SLC38A12: variants seen among roughly 807,000 people sequenced by gnomAD.
SLC38A12 encodes putative sodium-coupled neutral amino acid transporter 12.
At chr17:74,836,991 C>A in the SLC38A12 span, 3 of 1,182,124 alleles carry the variant, frequency 2.5e-6, no homozygotes, top group Non-Finnish European at 3.1e-6. The surrounding 1 kb of genome is among the most constrained non-coding windows in gnomAD (Gnocchi z 4.2). Flanking sequence ...ACACGCTTCA[C>A]CCCCAACCCT....
At chr17:74,782,222 C>A in the SLC38A12 span, among the ~76,000 whole-genome samples, 2 of 152,292 alleles carry the variant, frequency 1.3e-5, no homozygotes, top group Non-Finnish European at 2.9e-5. Context: ...CGTGCACCAT[C>A]ATGCCCGGCT....
At chr17:74,822,790 G>A in the SLC38A12 span, among the ~76,000 whole-genome samples, 1 of 152,204 alleles carries the variant, frequency 6.6e-6, no homozygotes, top group Admixed American at 6.5e-5. Context: ...AACCAGCGGG[G>A]TATTTTTCTT....
At chr17:74,787,665 G>C in the SLC38A12 span, among the ~76,000 whole-genome samples, 1 of 151,728 alleles carries the variant, frequency 6.6e-6, no homozygotes, top group African/African-American at 2.4e-5. Flanking sequence ...ATGAATGTTC[G>C]TCCCATGCTG....
chr17:74,791,099 G>A, the SLC38A12 span: 1 of 1,453,632 alleles, frequency 6.9e-7, no homozygotes, highest in Non-Finnish European at 9.6e-7. Context: ...CTGCAGGCCT[G>A]CACCCTTGTA....
chr17:74,784,965 T>TA, the SLC38A12 span, among the ~76,000 whole-genome samples: 4,539 of 102,242 alleles, frequency 0.044, 225 homozygotes, highest in African/African-American at 0.14. Flanking sequence ...AACTTTTTTT[T>TA]TAAAAACCCT....
At chr17:74,785,518 A>G in the SLC38A12 span, 1 of 1,614,080 alleles carries the variant, frequency 6.2e-7, no homozygotes, top group African/African-American at 1.3e-5. Context: ...CATCGTGGGC[A>G]CGGGCGCACT....
the SLC38A12 span, among the ~76,000 whole-genome samples, chr17:74,805,028 G>A: frequency 6.6e-6 from 1 of 152,264 alleles, no homozygotes; most frequent in East Asian, 1.9e-4. This position sits in a 1 kb window ranked among gnomAD's most constrained non-coding sequence, Gnocchi z 5.0. Flanking sequence ...CGCCAGGCCT[G>A]ATGCAGTATA....
the SLC38A12 span, chr17:74,835,970 C>T: frequency 1.8e-5 from 29 of 1,611,174 alleles, no homozygotes; most frequent in African/African-American, 4.0e-5. Flanking sequence ...GCATCGGGCA[C>T]GGACAAGGGG....
At chr17:74,818,821 A>G in the SLC38A12 span, among the ~76,000 whole-genome samples, 1 of 152,306 alleles carries the variant, frequency 6.6e-6, no homozygotes, top group East Asian at 1.9e-4. Flanking sequence ...CTTAACTGCA[A>G]TGAGCAGCTC....
chr17:74,778,910 C>T, the SLC38A12 span, among the ~76,000 whole-genome samples: 3 of 152,054 alleles, frequency 2.0e-5, no homozygotes, highest in African/African-American at 7.2e-5. Flanking sequence ...TCAGGTGATC[C>T]ACCCGCCTCA....
the SLC38A12 span, chr17:74,819,759 A>G: frequency 6.2e-7 from 1 of 1,613,860 alleles, no homozygotes; most frequent in Non-Finnish European, 8.5e-7. Context: ...GGCGATCTTC[A>G]CTCTCCTCCT....
At chr17:74,831,969 A>G in the SLC38A12 span, among the ~76,000 whole-genome samples, 1 of 152,138 alleles carries the variant, frequency 6.6e-6, no homozygotes, top group Non-Finnish European at 1.5e-5. Context: ...ATCAGACCTA[A>G]TGAGTTTTTG....
chr17:74,806,167 C>T, the SLC38A12 span, among the ~76,000 whole-genome samples: 8 of 152,136 alleles, frequency 5.3e-5, no homozygotes, highest in East Asian at 3.8e-4. Flanking sequence ...CTGTCACTTG[C>T]GACACAGCCC....
At chr17:74,789,412 C>T in the SLC38A12 span, among the ~76,000 whole-genome samples, 4 of 151,858 alleles carry the variant, frequency 2.6e-5, no homozygotes, top group Non-Finnish European at 4.4e-5. Context: ...TGCCTGTAAT[C>T]GCAGCTACTC....
the SLC38A12 span, among the ~76,000 whole-genome samples, chr17:74,799,412 TC>T: frequency 6.6e-6 from 1 of 152,196 alleles, no homozygotes; most frequent in Non-Finnish European, 1.5e-5. Flanking sequence ...CAGGACAAGG[TC>T]GCCCTGGCCT....
chr17:74,780,069 G>A, the SLC38A12 span, among the ~76,000 whole-genome samples: 1 of 152,212 alleles, frequency 6.6e-6, no homozygotes, highest in Non-Finnish European at 1.5e-5. Flanking sequence ...CAAAATACAG[G>A]ATGCTGTAGG....
the SLC38A12 span, among the ~76,000 whole-genome samples, chr17:74,821,522 A>C: frequency 6.6e-6 from 1 of 152,172 alleles, no homozygotes; most frequent in East Asian, 1.9e-4. Context: ...TTTAGAATGG[A>C]GCCTCCCTGG....
the SLC38A12 span, among the ~76,000 whole-genome samples, chr17:74,779,509 G>A: frequency 6.6e-6 from 1 of 152,166 alleles, no homozygotes; most frequent in African/African-American, 2.4e-5. Context: ...TCTGAGGGGA[G>A]AAGACACCTT....
chr17:74,801,212 C>T, the SLC38A12 span, among the ~76,000 whole-genome samples: 1 of 152,238 alleles, frequency 6.6e-6, no homozygotes, highest in Non-Finnish European at 1.5e-5. Context: ...GTCAGTTCCT[C>T]CTCATTCAGT....
Sources: allele counts gnomAD v4.1 joint callset (sites outside exome capture counted in the v4.1 genomes callset), GRCh38; gene constraint gnomAD v4.1.1; non-coding constraint Gnocchi (gnomAD v3.1); transcripts MANE v1.5; gene names NCBI Gene and HGNC (gene_info 2026-07-23, HGNC 2026-07-21).